The following CYP4V2 variants were observed in gnomAD, a reference collection of about 807,000 sequenced individuals.
CYP4V2 encodes cytochrome P450 family 4 subfamily V member 2, also known as cytochrome P450 4V2.
Under a neutral mutation model 60.8 loss-of-function variants are expected in CYP4V2, and 55 were observed. The ratio of observed to expected loss-of-function variants is 0.90; its 90% CI spans 0.73 to 1.13. CYP4V2 has a LOEUF of 1.13. Among genes scored for constraint, CYP4V2 ranks in the 50% most tolerant of loss-of-function variants. The pLI is 0.00. For missense variants in CYP4V2, 675 were observed against 662.9 expected, an observed-to-expected ratio of 1.02 and a Z score of -0.20; for synonymous variants, 239 against 236.8, an observed-to-expected ratio of 1.01 and a Z score of -0.08.
chr4:186,208,633 T>C (rs1309869544), intron 8 of CYP4V2, among the ~76,000 whole-genome samples: 1 of 152,058 alleles, frequency 6.6e-6, no homozygotes, highest in East Asian at 1.9e-4. Context: ...GTGTTTTTCT[T>C]TGAAGGGTAT....
intron 4 of CYP4V2, 147 bp downstream of exon 4, chr4:186,197,277 G>T: frequency 9.6e-7 from 1 of 1,044,580 alleles, no homozygotes; most frequent in East Asian, 2.4e-5. Flanking sequence ...CTGGCCTTCT[G>T]AGGAGCAGCA....
Position 186,191,583 on chromosome 4 carries a change from G to C in CYP4V2, c.-241G>C, listed in dbSNP as rs979207469. The C allele has an allele frequency of 2.2e-5, 7 of 316,200 alleles. No individual in the cohort carries two copies. Among genetic ancestry groups the C allele is most frequent in the African/African-American group, 1.3e-4 (6 of 45,726 alleles). 19.6% of individuals were successfully genotyped at this position (316,200 alleles called of 1,614,324 possible). ...ACCGTTTTCCGGTCTTTCGCTTTCGGCTGGGGCGTGGAGGCCGCGGTGCTG... is the reference window on the plus strand; with the variant it reads ...ACCGTTTTCCGGTCTTTCGCTTTCGCCTGGGGCGTGGAGGCCGCGGTGCTG... On this transcript the variant is annotated 5_prime_UTR_variant, in exon 1 of 11. Transcript: ENST00000378802.
rs72646236 is a variant in CYP4V2, at chr4:186,191,784, C to T, written c.-40C>T. The T allele has an allele frequency of 1.1e-3, 1,537 of 1,463,392 alleles. 14 individuals are homozygous for T. In the African/African-American group the frequency reaches 0.02, roughly 19 times the overall value. The allele number at this position is 1,463,392 out of a possible 1,614,324, so 90.7% of individuals were successfully genotyped here. A position where few individuals can be genotyped will look rare whatever the true frequency, so the allele number is the denominator to read the frequency against. ...CTCGCACCACGCCCCCGCGGGCCCG[C>T]ACTTTCCCGGAGTGCACCCCGCGGC... On this transcript the variant is annotated 5_prime_UTR_variant, in exon 1 of 11. Transcript: ENST00000378802.
intron 9 of CYP4V2, 21 bp from the exon 10 acceptor site, chr4:186,209,072 G>A (rs1482936892): frequency 1.2e-6 from 2 of 1,614,042 alleles, no homozygotes; most frequent in Admixed American, 1.7e-5. Flanking sequence ...GTCTCATAAT[G>A]TATTGACTAC....
chr4:186,193,587 CAG>C (rs759535580), intron 1 of CYP4V2, among the ~76,000 whole-genome samples: 12 of 152,216 alleles, frequency 7.9e-5, no homozygotes, highest in Non-Finnish European at 1.5e-4. Context: ...GACTATATTA[CAG>C]AGTCACTTTA....
intron 3 of CYP4V2, 140 bp from the exon 4 acceptor site, chr4:186,196,800 G>A: frequency 1.3e-6 from 1 of 745,750 alleles, no homozygotes; most frequent in Non-Finnish European, 2.2e-6. Context: ...AAAAGCATTT[G>A]AGAACCTGTA....
In CYP4V2 at chr4:186,212,594, A is replaced by G. The variant is rs984147548; in HGVS notation, c.*1953A>G. 18 of 152,320 alleles carry G rather than the reference A, an allele frequency of 1.2e-4. No individual in the cohort carries two copies. Among genetic ancestry groups the G allele is most frequent in the African/African-American group, 3.8e-4 (16 of 41,566 alleles). The allele number at this position is 152,320 out of a possible 1,614,324, so 9.4% of individuals were successfully genotyped here. A position where few individuals can be genotyped will look rare whatever the true frequency, so the allele number is the denominator to read the frequency against. On this transcript the variant is annotated 3_prime_UTR_variant, in exon 11 of 11. Transcript: ENST00000378802. ...GGAAGAGATTCCTCAGTAATCTCCAATCTCTCATAGTGCCTCACAGGGTTG... is the reference window on the plus strand; with the variant it reads ...GGAAGAGATTCCTCAGTAATCTCCAGTCTCTCATAGTGCCTCACAGGGTTG...
At chr4:186,194,369 A>G in intron 1 of CYP4V2, 131 bp from the exon 2 acceptor site, 1 of 785,348 alleles carries the variant, frequency 1.3e-6, no homozygotes. Flanking sequence ...CATGCTCTCT[A>G]CCTGGCTTCC....
Position 186,205,196 on chromosome 4 carries a change from G to T in CYP4V2, c.988-4G>T, listed in dbSNP as rs1192331211. Reference sequence around the variant, plus strand: ...TTTTAAGCTATTGTTTTCTGCATTTGTAGGGGCACGATACAACTGCAGCTG... The same window carrying T: ...TTTTAAGCTATTGTTTTCTGCATTTTTAGGGGCACGATACAACTGCAGCTG... On this transcript the variant is annotated splice_polypyrimidine_tract_variant and splice_region_variant and intron_variant, in intron 7 of 10. Transcript: ENST00000378802. The T allele has an allele frequency of 6.2e-7, 1 of 1,614,036 alleles. No individual in the cohort carries two copies. Among genetic ancestry groups the T allele is most frequent in the African/African-American group, 1.3e-5 (1 of 74,944 alleles).
chr4:186,191,645 G>T lies in CYP4V2; in HGVS notation c.-179G>T, dbSNP rs1339319360. 7 of 447,030 alleles carry T rather than the reference G, an allele frequency of 1.6e-5. No homozygotes were observed. The highest frequency in any genetic ancestry group is 1.1e-4 in the South Asian group (1 of 9,318). The allele number at this position is 447,030 out of a possible 1,614,324, so 27.7% of individuals were successfully genotyped here. On this transcript the variant is annotated 5_prime_UTR_variant, in exon 1 of 11. Coordinates refer to ENST00000378802, the MANE Select transcript of CYP4V2 (RefSeq NM_207352.4). The stretch of plus-strand genomic sequence containing the variant: ...CCGGGCGCAGGAACAGCCCCGTGGC[G>T]CCCTCTCTGGCCGCCGCCCGGGCGG...
rs994768815 is a variant in CYP4V2 at position 186,210,923 on chromosome 4, A to C, written c.*282A>C. The C allele has an allele frequency of 2.2e-4, 66 of 302,762 alleles. 2 individuals carry two copies. The East Asian group carries it at 5.4e-3, about 25-fold the overall frequency. 18.8% of individuals were successfully genotyped at this position (302,762 alleles called of 1,614,324 possible). On this transcript the variant is annotated 3_prime_UTR_variant, in exon 11 of 11. Transcript: ENST00000378802. Reference sequence around the variant, plus strand: ...GTGATCTCAGCTCACTGCAACCTCCACCTCCCAGGTTCAAGCAATTCTTCT... The same window carrying C: ...GTGATCTCAGCTCACTGCAACCTCCCCCTCCCAGGTTCAAGCAATTCTTCT...
rs779896273 is a variant in CYP4V2 at position 186,196,006 on chromosome 4, A to AT, written c.335dup (p.Leu112PhefsTer3). 1.2e-6 allele frequency: 2 copies of AT among 1,611,216 alleles called. No homozygotes were observed. Among genetic ancestry groups the AT allele is most frequent in the South Asian group, 2.2e-5 (2 of 90,982 alleles). On this transcript the variant is annotated frameshift_variant, in exon 3 of 11. Coordinates refer to ENST00000378802, the MANE Select transcript of CYP4V2 (RefSeq NM_207352.4). LOFTEE classifies it high-confidence loss of function. The stretch of plus-strand genomic sequence containing the variant: ...AGTATGTTTTTCTCTTCCTAAGGTA[A>AT]TTTTAACTAGTTCAAAGCAAATTGA...
At chr4:186,196,846 T>C (rs1736162030) in intron 3 of CYP4V2, 94 bp from the exon 4 acceptor site, 1 of 1,311,990 alleles carries the variant, frequency 7.6e-7, no homozygotes, top group African/African-American at 1.5e-5. Context: ...GTTGACTTGC[T>C]ATATTTATGC....
chr4:186,195,346 C>T lies in CYP4V2; in HGVS notation c.328-657C>T, dbSNP rs1376044102. Reference sequence around the variant, plus strand: ...CAAGAAGGGCAGACAGGATTTCTGCCGCTGTTGGCCTAGTGTTAATAGAAG... The same window carrying T: ...CAAGAAGGGCAGACAGGATTTCTGCTGCTGTTGGCCTAGTGTTAATAGAAG... On this transcript the variant is annotated intron_variant, in intron 2 of 10. Transcript: ENST00000378802. The surrounding 1 kb of genome is among the most constrained non-coding windows in gnomAD (Gnocchi z 4.1). Among the ~76,000 whole-genome samples the T allele has an allele frequency of 6.6e-6, 1 of 152,136 alleles. No individual in the cohort carries two copies. Among genetic ancestry groups the T allele is most frequent in the African/African-American group, 2.4e-5 (1 of 41,420 alleles).
At position 186,199,065 on chromosome 4, in the gene CYP4V2, A is replaced by G. The variant is rs1736234653; in HGVS notation, c.783A>G (p.Leu261=). 7 of 1,613,946 alleles carry G rather than the reference A, an allele frequency of 4.3e-6. No individual in the cohort carries two copies. Among genetic ancestry groups the G allele is most frequent in the Non-Finnish European group, 3.4e-6 (4 of 1,179,788 alleles). The change falls in exon 6 of 11, where the codon CTA becomes CTG. Residue 261 remains leucine, a synonymous_variant. Coordinates refer to ENST00000378802, the MANE Select transcript of CYP4V2 (RefSeq NM_207352.4). ...AACACAAAAAGAGCCTTCAGATCCT[A>G]CATACTTTTACCAACAGTGTAAGTC... ...GWEHKKSLQI[L]HTFTNSVIAE...
chr4:186,197,548 A>G lies in CYP4V2; in HGVS notation c.620A>G (p.Lys207Arg), dbSNP rs1238465346. The change falls in exon 5 of 11, where the codon AAG (lysine) becomes AGG (arginine). Residue 207 changes from lysine (K) to arginine (R), a missense_variant. Coordinates refer to ENST00000378802, the MANE Select transcript of CYP4V2 (RefSeq NM_207352.4). ...LDIICETAMG[K>R]NIGAQSNDDS... Reference sequence around the variant, plus strand: ...TATTTTATAGAAACAGCTATGGGGAAGAATATTGGTGCTCAAAGTAATGAT... The same window carrying G: ...TATTTTATAGAAACAGCTATGGGGAGGAATATTGGTGCTCAAAGTAATGAT... 5 of 1,614,134 alleles carry G rather than the reference A, an allele frequency of 3.1e-6. No individual in the cohort carries two copies. Among genetic ancestry groups the G allele is most frequent in the Non-Finnish European group, 4.2e-6 (5 of 1,180,056 alleles).
intron 7 of CYP4V2, chr4:186,203,332 G>C (rs1395036477): frequency 6.6e-6 from 1 of 152,470 alleles, no homozygotes; most frequent in African/African-American, 2.4e-5. Flanking sequence ...CATTGAAAGG[G>C]AGGCAGCATA....
In CYP4V2 at chr4:186,208,972, C is replaced by A. The variant is rs138444697; in HGVS notation, c.1198C>A (p.Arg400Ser). The change falls in exon 9 of 11, where the codon CGT becomes AGT. Residue 400 changes from arginine to serine, a missense_variant. Transcript: ENST00000378802. Reference sequence around the variant, plus strand: ...TTTTCCTTCTGTTCCTTTATTTGCCCGTAGTGTTAGTGAAGATTGTGAAGT... The same window carrying A: ...TTTTCCTTCTGTTCCTTTATTTGCCAGTAGTGTTAGTGAAGATTGTGAAGT... ...RLFPSVPLFA[R>S]SVSEDCEVAG... 1.2e-6 allele frequency: 2 copies of A among 1,614,102 alleles called. No individual in the cohort carries two copies. Among genetic ancestry groups the A allele is most frequent in the Non-Finnish European group, 1.7e-6 (2 of 1,180,022 alleles).
rs142775374 is a variant in CYP4V2 at position 186,194,567 on chromosome 4, C to T, written c.282C>T (p.Val94=). The change falls in exon 2 of 11, where the codon GTC becomes GTT. Residue 94 remains valine, a synonymous_variant. Coordinates refer to ENST00000378802, the MANE Select transcript of CYP4V2 (RefSeq NM_207352.4). ...YRHMPLLKLW[V]GPVPMVALYN... is the part of the protein sequence containing the mutation. ...ACATGCCGCTGCTGAAGCTCTGGGT[C>T]GGGCCAGTGCCCATGGTGGCCCTTT... 1.9e-4 allele frequency: 303 copies of T among 1,614,116 alleles called. No individual in the cohort carries two copies. The highest frequency in any genetic ancestry group is 7.7e-4 in the African/African-American group (58 of 75,046).
Sources: allele counts gnomAD v4.1 joint callset (sites outside exome capture counted in the v4.1 genomes callset), GRCh38; gene constraint gnomAD v4.1.1; non-coding constraint Gnocchi (gnomAD v3.1); transcripts MANE v1.5; gene names NCBI Gene and HGNC (gene_info 2026-07-23, HGNC 2026-07-21).